Variants in JARID2 observed in about 807,000 individuals in gnomAD.
JARID2 encodes the protein jumonji and AT-rich interaction domain containing 2.
JARID2 carries 21 observed loss-of-function variants against 125.6 expected under a neutral mutation model. That is an observed-to-expected ratio of 0.17 (90% CI 0.12 to 0.24). JARID2 has a LOEUF of 0.24. Ranked by LOEUF, JARID2 falls within the 10% of genes least tolerant of loss-of-function variation. The pLI, the probability that JARID2 is intolerant of heterozygous loss-of-function variation, is 1.00. For synonymous variants in JARID2, 736 were observed against 661.6 expected (o/e 1.11, Z -1.73); for missense variants, 1,303 against 1,639.6 (o/e 0.79, Z 3.55).
chr6:15,468,469 C>A (rs1466956515), intron 4 of JARID2, 73 bp from the exon 5 acceptor site: 4 of 1,353,868 alleles, frequency 3.0e-6, no homozygotes, highest in African/African-American at 1.5e-5. Flanking sequence ...GGTTTTGTTT[C>A]ATTGTGGTGT....
chr6:15,415,925 C>A (rs1260975421), intron 3 of JARID2, among the ~76,000 whole-genome samples: 1 of 151,396 alleles, frequency 6.6e-6, no homozygotes, highest in Non-Finnish European at 1.5e-5. Flanking sequence ...CTCCTCACTT[C>A]CCAGACGGGG....
intron 1 of JARID2, chr6:15,247,321 T>G (rs1759217383): frequency 1.6e-6 from 1 of 612,864 alleles, no homozygotes; most frequent in Non-Finnish European, 2.0e-6. Flanking sequence ...ATTGGGTGAT[T>G]ATTCCTAGAT....
intron 1 of JARID2, among the ~76,000 whole-genome samples, chr6:15,281,800 G>A (rs537497936): frequency 6.6e-6 from 1 of 152,322 alleles, no homozygotes; most frequent in East Asian, 1.9e-4. Flanking sequence ...GAGGCACTCA[G>A]TAGACCTTTA....
intron 1 of JARID2, among the ~76,000 whole-genome samples, chr6:15,349,115 T>C (rs1444780406): frequency 6.6e-6 from 1 of 152,242 alleles, no homozygotes; most frequent in Admixed American, 6.5e-5. Context: ...GTTGGTCTGC[T>C]TTTCAATATT....
At chr6:15,476,387 C>T (rs1199927957) in intron 5 of JARID2, among the ~76,000 whole-genome samples, 4 of 152,182 alleles carry the variant, frequency 2.6e-5, no homozygotes, top group African/African-American at 7.2e-5. Context: ...AGGACACACA[C>T]ACCATCCACA....
At chr6:15,313,747 T>C (rs2127430759) in intron 1 of JARID2, among the ~76,000 whole-genome samples, 1 of 152,352 alleles carries the variant, frequency 6.6e-6, no homozygotes, top group Middle Eastern at 3.4e-3. Flanking sequence ...TGGAGTTAAC[T>C]GCATTTTAAG....
chr6:15,381,127 G>A (rs1021172523), intron 2 of JARID2, among the ~76,000 whole-genome samples: 2 of 151,774 alleles, frequency 1.3e-5, no homozygotes, highest in Admixed American at 6.6e-5. Context: ...GCCGAGGCGG[G>A]TGGATCACGA....
chr6:15,304,351 G>T (rs1761745612), intron 1 of JARID2, among the ~76,000 whole-genome samples: 1 of 119,120 alleles, frequency 8.4e-6, no homozygotes, highest in South Asian at 2.6e-4. Context: ...AGTTAAACCT[G>T]CACTTTTTGG....
At position 15,246,363 on chromosome 6, in the gene JARID2, T is replaced by C; in HGVS notation, c.-177T>C. On this transcript the variant is annotated 5_prime_UTR_variant, in exon 1 of 18. Coordinates refer to ENST00000341776, the MANE Select transcript of JARID2 (RefSeq NM_004973.4). ...TTGGCTCTTTTTTTTTCCTTCCCAA[T>C]TTCGGATTTATTTCAAGGCGAATCT... The C allele has an allele frequency of 1.7e-6, 1 of 572,056 alleles. No individual in the cohort carries two copies. Among genetic ancestry groups the C allele is most frequent in the African/African-American group, 1.9e-5 (1 of 51,936 alleles). 35.4% of individuals were successfully genotyped at this position (572,056 alleles called of 1,614,324 possible).
chr6:15,354,774 A>G (rs1763542201), intron 1 of JARID2, among the ~76,000 whole-genome samples: 1 of 152,224 alleles, frequency 6.6e-6, no homozygotes, highest in Non-Finnish European at 1.5e-5. Context: ...TGGAAACCAT[A>G]GAATACCTAC....
At chr6:15,473,571 G>T (rs982205598) in intron 5 of JARID2, among the ~76,000 whole-genome samples, 1 of 118,898 alleles carries the variant, frequency 8.4e-6, no homozygotes, top group African/African-American at 3.1e-5. Context: ...ATATACCAAG[G>T]TCCTTAAGAG....
chr6:15,334,632 G>C (rs186964460), intron 1 of JARID2, among the ~76,000 whole-genome samples: 1 of 152,276 alleles, frequency 6.6e-6, no homozygotes. Flanking sequence ...CTGACTGACA[G>C]ATGGGCCAAG....
chr6:15,246,440 A>C lies in JARID2; in HGVS notation c.-100A>C, dbSNP rs531983615. 1.4e-3 allele frequency: 1,405 copies of C among 972,492 alleles called. 1 individual carries two copies. Among genetic ancestry groups the C allele is most frequent in the Non-Finnish European group, 1.9e-3 (1,198 of 615,774 alleles). The allele number at this position is 972,492 out of a possible 1,614,324, so 60.2% of individuals were successfully genotyped here. ...CGGATTACAAGATCAACCACCACCA[A>C]CAACAATAAAAACCACCAGGATATT... On this transcript the variant is annotated 5_prime_UTR_variant, in exon 1 of 18. Transcript: ENST00000341776.
At chr6:15,462,417 G>T (rs144312835) in intron 4 of JARID2, among the ~76,000 whole-genome samples, 2 of 151,578 alleles carry the variant, frequency 1.3e-5, no homozygotes, top group Non-Finnish European at 2.9e-5. Context: ...GTAGACAGCT[G>T]CCCTGTTTGA....
At chr6:15,508,145 G>A (rs888324966) in intron 11 of JARID2, among the ~76,000 whole-genome samples, 195 bp from the exon 12 acceptor site, 4 of 152,190 alleles carry the variant, frequency 2.6e-5, no homozygotes, top group East Asian at 1.9e-4. Context: ...GTTTTGAAGC[G>A]GTGTTCATAT....
At chr6:15,350,914 A>G (rs546864391) in intron 1 of JARID2, among the ~76,000 whole-genome samples, 1 of 151,944 alleles carries the variant, frequency 6.6e-6, no homozygotes, top group Non-Finnish European at 1.5e-5. Context: ...AAGTTATGTT[A>G]GGTCCTCAAG....
Position 15,520,467 on chromosome 6 carries a change from C to T in JARID2, c.*216C>T, listed in dbSNP as rs568223030. 6.0e-5 allele frequency: 27 copies of T among 448,730 alleles called. No individual in the cohort carries two copies. Among genetic ancestry groups the T allele is most frequent in the East Asian group, 1.5e-4 (4 of 25,822 alleles). 27.8% of individuals were successfully genotyped at this position (448,730 alleles called of 1,614,324 possible). A position where few individuals can be genotyped will look rare whatever the true frequency, so the allele number is the denominator to read the frequency against. On this transcript the variant is annotated 3_prime_UTR_variant, in exon 18 of 18. Transcript: ENST00000341776. ...ACTGCAGTCAGATTTTGGAAACTGC[C>T]GTATAGTCACTGTTTTAAAAACCCC...
chr6:15,496,881 G>A lies in JARID2; in HGVS notation c.1656G>A (p.Ala552=), dbSNP rs764557714. The A allele has an allele frequency of 1.2e-5, 20 of 1,600,684 alleles. No individual in the cohort carries two copies. The highest frequency in any genetic ancestry group is 3.3e-5 in the South Asian group (3 of 89,596). Residue 552 remains alanine (A), a synonymous_variant, in exon 7 of 18, where the codon GCG becomes GCA. Coordinates refer to ENST00000341776, the MANE Select transcript of JARID2 (RefSeq NM_004973.4). The stretch of plus-strand genomic sequence containing the variant: ...AGGGCGGCGGCAAGGCCGGGTGGGC[G>A]GCCATGGACGAGATCCCCGTCCTCA... The part of the protein sequence containing the change: ...AEKGGGKAGW[A]AMDEIPVLRP...
chr6:15,458,400 T>G (rs1312529929), intron 4 of JARID2, among the ~76,000 whole-genome samples: 1 of 152,088 alleles, frequency 6.6e-6, no homozygotes, highest in Non-Finnish European at 1.5e-5. Flanking sequence ...CTCGGCACAG[T>G]GAAGAGAGTG....
Sources: allele counts gnomAD v4.1 joint callset (sites outside exome capture counted in the v4.1 genomes callset), GRCh38; gene constraint gnomAD v4.1.1; transcripts MANE v1.5; gene names NCBI Gene and HGNC (gene_info 2026-07-23, HGNC 2026-07-21).